SRGAP3: variants seen among roughly 807,000 people sequenced by gnomAD.
SRGAP3 encodes the protein SLIT-ROBO Rho GTPase-activating protein 3.
A neutral mutation model predicts 121.1 loss-of-function variants in SRGAP3; 39 were observed. The ratio of observed to expected loss-of-function variants is 0.32; its 90% confidence interval spans 0.25 to 0.42. The LOEUF is 0.42. Ranked by LOEUF, SRGAP3 falls within the 10% of genes least tolerant of loss-of-function variation. The pLI, the probability that SRGAP3 is intolerant of heterozygous loss-of-function variation, is 1.00. For synonymous variants in SRGAP3, 601 were observed against 570.0 expected (o/e 1.05, Z -0.77); for missense variants, 1,213 against 1,470.6 (o/e 0.82, Z 2.86).
chr3:9,302,720 G>T (rs1955084463), intron 3 of SRGAP3, among the ~76,000 whole-genome samples: 1 of 152,200 alleles, frequency 6.6e-6, no homozygotes, highest in African/African-American at 2.4e-5. Flanking sequence ...GTCTGCCGCG[G>T]GGTGGGTCTT....
chr3:9,267,591 C>T (rs752257002), intron 3 of SRGAP3, among the ~76,000 whole-genome samples: 4 of 152,146 alleles, frequency 2.6e-5, no homozygotes, highest in Non-Finnish European at 4.4e-5. Flanking sequence ...AAGCTGAGTC[C>T]TGTTTTTATC....
intron 13 of SRGAP3, among the ~76,000 whole-genome samples, chr3:9,026,615 T>G (rs1432635567): frequency 6.6e-6 from 1 of 152,234 alleles, no homozygotes; most frequent in Admixed American, 6.5e-5. Context: ...GCTTATAATC[T>G]AGCCGTATTA....
At chr3:9,011,965 T>C (rs1002248822) in intron 17 of SRGAP3, among the ~76,000 whole-genome samples, 1 of 152,238 alleles carries the variant, frequency 6.6e-6, no homozygotes. Flanking sequence ...TAATTACATA[T>C]ATTGCAGCAA....
At chr3:8,990,914 C>T in intron 20 of SRGAP3, 75 bp from the exon 21 acceptor site, 3 of 1,304,100 alleles carry the variant, frequency 2.3e-6, no homozygotes, top group Non-Finnish European at 3.1e-6. Flanking sequence ...GTGAGTCAAC[C>T]CCATGCCACA....
At chr3:9,343,013 C>A (rs747908653) in intron 1 of SRGAP3, among the ~76,000 whole-genome samples, 2 of 152,244 alleles carry the variant, frequency 1.3e-5, no homozygotes, top group Non-Finnish European at 2.9e-5. Context: ...GATCTTCTCA[C>A]TGGACTCCTT....
At chr3:9,022,908 C>T (rs1191457257) in intron 14 of SRGAP3, among the ~76,000 whole-genome samples, 4 of 152,172 alleles carry the variant, frequency 2.6e-5, no homozygotes, top group South Asian at 2.1e-4. Flanking sequence ...CTGGGCTCTG[C>T]CTGAGGCAAC....
At chr3:9,263,853 C>T (rs1337748846) in intron 3 of SRGAP3, among the ~76,000 whole-genome samples, 2 of 152,212 alleles carry the variant, frequency 1.3e-5, no homozygotes, top group Non-Finnish European at 2.9e-5. Context: ...AGAGGGACTC[C>T]TCCCTAACTC....
intron 12 of SRGAP3, among the ~76,000 whole-genome samples, chr3:9,030,166 A>AT (rs1944410208): frequency 6.9e-6 from 1 of 143,980 alleles, no homozygotes; most frequent in African/African-American, 2.9e-5. Flanking sequence ...TGAATGAATG[A>AT]ATGAATGAAT....
intron 1 of SRGAP3, among the ~76,000 whole-genome samples, chr3:9,233,069 C>T (rs1214013706): frequency 6.6e-6 from 1 of 152,158 alleles, no homozygotes; most frequent in African/African-American, 2.4e-5. Flanking sequence ...ATGCTGGTGC[C>T]CCACTTACTG....
intron 1 of SRGAP3, among the ~76,000 whole-genome samples, chr3:9,173,201 G>A (rs1237494963): frequency 6.6e-6 from 1 of 152,188 alleles, no homozygotes; most frequent in East Asian, 1.9e-4. Context: ...GCTTCAGCAG[G>A]CCGAATGGAG....
chr3:9,126,924 C>T lies in SRGAP3; in HGVS notation c.68-2007G>A, dbSNP rs551149464. ...TACACTTGTACTCCATAAATTTATA[C>T]GTAAATAAATACATGTACAAAGTTA... On this transcript the variant is annotated intron_variant, in intron 1 of 21. Transcript: ENST00000383836. Among the ~76,000 whole-genome samples, 7 of 152,208 alleles carry T rather than the reference C, an allele frequency of 4.6e-5. No individual in the cohort carries two copies. The Middle Eastern group carries it at 0.01, about 222-fold the overall frequency.
chr3:9,334,267 C>T (rs1955654195), intron 1 of SRGAP3, among the ~76,000 whole-genome samples: 1 of 151,902 alleles, frequency 6.6e-6, no homozygotes, highest in Admixed American at 6.6e-5. Flanking sequence ...AATTCAATTT[C>T]AATGGTATTC....
intron 3 of SRGAP3, among the ~76,000 whole-genome samples, chr3:9,325,826 C>T (rs1055801864): frequency 6.6e-6 from 1 of 151,910 alleles, no homozygotes; most frequent in African/African-American, 2.4e-5. Context: ...AAACTATACC[C>T]TATAAGTGTA....
At chr3:9,225,460 A>G (rs1003490313) in intron 1 of SRGAP3, among the ~76,000 whole-genome samples, 2 of 152,192 alleles carry the variant, frequency 1.3e-5, no homozygotes, top group Non-Finnish European at 2.9e-5. Flanking sequence ...CATTATAAGG[A>G]AAACCACTGG....
rs184523241 is a variant in SRGAP3, at chr3:9,089,531, A to T, written c.424-9444T>A. The stretch of plus-strand genomic sequence containing the variant: ...AGTCCAGACCACAAGGAAAGTACAA[A>T]GGAGGCCCTGCCCTCCAGACACCAC... On this transcript the variant is annotated intron_variant, in intron 3 of 21. Transcript: ENST00000383836. Among the ~76,000 whole-genome samples the T allele has an allele frequency of 2.1e-3, 316 of 152,312 alleles. 1 individual carries two copies. The highest frequency in any genetic ancestry group is 3.8e-3 in the Non-Finnish European group (261 of 68,026).
chr3:9,152,276 A>C (rs1328440723), intron 1 of SRGAP3, among the ~76,000 whole-genome samples: 2 of 152,224 alleles, frequency 1.3e-5, no homozygotes, highest in African/African-American at 4.8e-5. Context: ...CCATGTTGGC[A>C]TAACATGATC....
chr3:9,286,385 G>A (rs1465562654), intron 3 of SRGAP3, among the ~76,000 whole-genome samples: 1 of 151,966 alleles, frequency 6.6e-6, no homozygotes, highest in Non-Finnish European at 1.5e-5. Flanking sequence ...GGTTGGCTGG[G>A]CACGGTGGCT....
intron 18 of SRGAP3, among the ~76,000 whole-genome samples, chr3:9,002,774 T>C (rs898395747): frequency 6.6e-6 from 1 of 152,118 alleles, no homozygotes; most frequent in Non-Finnish European, 1.5e-5. Context: ...ACCATTATTT[T>C]ACAGGAGAAA....
chr3:8,994,167 T>C lies in SRGAP3; in HGVS notation c.2408+176A>G, dbSNP rs188793185. 100 of 853,560 alleles carry C rather than the reference T, an allele frequency of 1.2e-4. 2 individuals carry two copies. In the Admixed American group the frequency reaches 1.9e-3, roughly 16 times the overall value. 52.9% of individuals were successfully genotyped at this position (853,560 alleles called of 1,614,324 possible). On this transcript the variant is annotated intron_variant, in intron 19 of 21. Coordinates refer to ENST00000383836, the MANE Select transcript of SRGAP3 (RefSeq NM_014850.4). ...CAGAAGGAGGAATTTGGATATCCGT[T>C]AAGTGGATCACCATTTAAAGGGAAG...
Sources: gnomAD v4.1 joint callset for allele counts (sites outside exome capture counted in the v4.1 genomes callset) on GRCh38, gnomAD v4.1.1 for gene constraint, MANE v1.5 for transcripts, NCBI Gene and HGNC (gene_info 2026-07-23, HGNC 2026-07-21) for gene names.